CDH4: variants seen among roughly 807,000 people sequenced by gnomAD.
CDH4 encodes cadherin-4.
CDH4 carries 33 observed loss-of-function variants against 86.0 expected under a neutral mutation model. The observed-to-expected ratio is 0.38, with a 90% confidence interval of 0.29 to 0.51. The LOEUF is 0.51. Among genes scored for constraint, CDH4 ranks in the 20% least tolerant of loss-of-function variants. CDH4 has a pLI of 0.86. For missense variants in CDH4, 1,114 were observed against 1,307.4 expected (o/e 0.85, Z 2.28); for synonymous variants, 555 against 549.4 (o/e 1.01, Z -0.14).
At chr20:61,725,670 C>T (rs568325399) in intron 2 of CDH4, among the ~76,000 whole-genome samples, 28 of 152,034 alleles carry the variant, frequency 1.8e-4, no homozygotes, top group Non-Finnish European at 3.2e-4. Flanking sequence ...CAACCCTGGA[C>T]GCCCGTCAAG....
intron 2 of CDH4, among the ~76,000 whole-genome samples, chr20:61,642,173 A>G (rs1379847614): frequency 6.6e-6 from 1 of 152,254 alleles, no homozygotes; most frequent in Non-Finnish European, 1.5e-5. Context: ...GGTCTAGCCC[A>G]GGTTGTAGTC....
intron 2 of CDH4, among the ~76,000 whole-genome samples, chr20:61,500,045 A>G (rs1381687759): frequency 2.0e-5 from 3 of 152,144 alleles, no homozygotes; most frequent in Non-Finnish European, 4.4e-5. Context: ...TGCTATGACA[A>G]CAGCGCTGGG....
chr20:61,569,010 C>T (rs575248639), intron 2 of CDH4, among the ~76,000 whole-genome samples: 1 of 152,254 alleles, frequency 6.6e-6, no homozygotes, highest in South Asian at 2.1e-4. Context: ...AAATCAGTGA[C>T]CCAGTTGAGG....
chr20:61,539,273 G>A (rs751115658), intron 2 of CDH4, among the ~76,000 whole-genome samples: 2 of 152,198 alleles, frequency 1.3e-5, no homozygotes, highest in Non-Finnish European at 2.9e-5. Flanking sequence ...TGCATGGGCC[G>A]TGTCCACAGT....
At chr20:61,391,994 G>C (rs542264311) in intron 2 of CDH4, among the ~76,000 whole-genome samples, 1 of 152,106 alleles carries the variant, frequency 6.6e-6, no homozygotes, top group African/African-American at 2.4e-5. Context: ...CAGTGACTCA[G>C]CATGGAGATA....
chr20:61,346,989 T>C (rs1476330610), intron 2 of CDH4, among the ~76,000 whole-genome samples: 1 of 152,114 alleles, frequency 6.6e-6, no homozygotes, highest in Non-Finnish European at 1.5e-5. Context: ...AAACCATCTC[T>C]CCCATTGTCT....
rs555009422 is a variant in CDH4 at position 61,279,654 on chromosome 20, G to A, written c.169+24717G>A. On this transcript the variant is annotated intron_variant, in intron 2 of 15. Transcript: ENST00000614565. ...TGAAGCCAGGACTGGGGGTCTCCAC[G>A]AAAGCGCAGAGGACATTGTTTCCCG... Among the ~76,000 whole-genome samples the A allele has an allele frequency of 8.5e-5, 13 of 152,286 alleles. No individual in the cohort carries two copies. The East Asian group carries it at 1.2e-3, about 14-fold the overall frequency.
At chr20:61,455,045 C>A (rs969392925) in intron 2 of CDH4, among the ~76,000 whole-genome samples, 1 of 152,120 alleles carries the variant, frequency 6.6e-6, no homozygotes, top group East Asian at 1.9e-4. Context: ...AGTTATGCAG[C>A]CATCACCACC....
At chr20:61,404,770 G>A (rs2085071175) in intron 2 of CDH4, among the ~76,000 whole-genome samples, 2 of 151,764 alleles carry the variant, frequency 1.3e-5, no homozygotes, top group Non-Finnish European at 2.9e-5. Context: ...AAAAGCTCAG[G>A]CTGGGCGTGG....
chr20:61,475,946 C>T (rs903036114), intron 2 of CDH4, among the ~76,000 whole-genome samples: 7 of 151,884 alleles, frequency 4.6e-5, no homozygotes, highest in African/African-American at 1.2e-4. Flanking sequence ...CAGCTAATGC[C>T]GGAATTAGCT....
At chr20:61,609,872 A>T (rs1351954900) in intron 2 of CDH4, among the ~76,000 whole-genome samples, 1 of 152,020 alleles carries the variant, frequency 6.6e-6, no homozygotes, top group East Asian at 1.9e-4. Flanking sequence ...TCCCATTAAT[A>T]TGTCAGTTGT....
intron 2 of CDH4, among the ~76,000 whole-genome samples, chr20:61,565,086 GTGCTCT>G (rs374670633): frequency 0.025 from 2,711 of 107,490 alleles, 96 homozygotes; most frequent in African/African-American, 0.028. Context: ...GGTGGTGGTG[GTGCTCT>G]TGGTGGTGCT....
intron 2 of CDH4, among the ~76,000 whole-genome samples, chr20:61,665,283 C>G (rs938945064): frequency 2.0e-5 from 3 of 152,252 alleles, no homozygotes; most frequent in Admixed American, 2.0e-4. Flanking sequence ...CCAGGGCTCC[C>G]GCCCTTCAAT....
chr20:61,298,896 G>A (rs1447044756), intron 2 of CDH4, among the ~76,000 whole-genome samples: 1 of 151,684 alleles, frequency 6.6e-6, no homozygotes, highest in Non-Finnish European at 1.5e-5. Flanking sequence ...GCCAAACTCA[G>A]GAACTAAAAA....
chr20:61,521,560 C>A (rs1369616414), intron 2 of CDH4, among the ~76,000 whole-genome samples: 1 of 152,182 alleles, frequency 6.6e-6, no homozygotes, highest in Admixed American at 6.5e-5. Flanking sequence ...ACCAGTGGTG[C>A]CCCCACTTTA....
chr20:61,929,977 C>G (rs1600787629), intron 13 of CDH4, 135 bp downstream of exon 13: 3 of 683,410 alleles, frequency 4.4e-6, no homozygotes, highest in Middle Eastern at 3.9e-4. Flanking sequence ...AGGAGCCTTT[C>G]AGAAATGCAG....
At position 61,852,817 on chromosome 20, in the gene CDH4, T is replaced by A; in HGVS notation, c.796T>A (p.Tyr266Asn). The A allele has an allele frequency of 1.2e-6, 2 of 1,614,106 alleles. No individual in the cohort carries two copies. The highest frequency in any genetic ancestry group is 2.7e-5 in the African/African-American group (2 of 75,066). ...GGAGAACCCCATCGACCTGTACATC[T>A]ACGTCATCGACATGAATGACAACCG... ...KVENPIDLYI[Y>N]VIDMNDNRPE... The change falls in exon 6 of 16, where the codon TAC (tyrosine) becomes AAC (asparagine). Residue 266 changes from tyrosine to asparagine, a missense_variant. Tyr to Asn is a moderately radical substitution (Grantham distance 143). Around this residue, in one of 3 missense-constraint regions of CDH4, gnomAD observed 705 missense variants for 914.1 expected, o/e 0.77. Coordinates refer to ENST00000614565, the MANE Select transcript of CDH4 (RefSeq NM_001794.5).
chr20:61,531,331 G>C (rs1311460200), intron 2 of CDH4, among the ~76,000 whole-genome samples: 1 of 150,366 alleles, frequency 6.7e-6, no homozygotes, highest in Non-Finnish European at 1.5e-5. Flanking sequence ...AATTAGCCGG[G>C]CATGGTGGTG....
chr20:61,432,811 T>TTAG (rs2085255180), intron 2 of CDH4, among the ~76,000 whole-genome samples: 1 of 151,626 alleles, frequency 6.6e-6, no homozygotes, highest in South Asian at 2.1e-4. Flanking sequence ...GTACCCTTTC[T>TTAG]AGTTCTACAT....
Sources: gnomAD v4.1 joint callset for allele counts (sites outside exome capture counted in the v4.1 genomes callset) on GRCh38, gnomAD v4.1.1 for gene constraint, gnomAD v4.1.1 regional missense constraint, MANE v1.5 for transcripts, NCBI Gene and HGNC (gene_info 2026-07-23, HGNC 2026-07-21) for gene names.